Variants in ERBB4 observed in about 807,000 individuals in gnomAD.
The protein encoded by ERBB4 is erb-b2 receptor tyrosine kinase 4.
In ERBB4, 42 loss-of-function variants were observed where a neutral mutation model predicts 158.0. The ratio of observed to expected loss-of-function variants is 0.27; its 90% CI spans 0.21 to 0.34. The LOEUF (loss-of-function observed/expected upper bound fraction) is 0.34. Among genes scored for constraint, ERBB4 ranks in the 10% least tolerant of loss-of-function variants. The pLI is 1.00. For synonymous variants in ERBB4, 583 were observed against 558.7 expected, an observed-to-expected ratio of 1.04 and a Z score of -0.61; for missense variants, 1,333 against 1,624.1, an observed-to-expected ratio of 0.82 and a Z score of 3.08.
chr2:212,273,145 T>C (rs2085404430), intron 1 of ERBB4, among the ~76,000 whole-genome samples: 2 of 151,746 alleles, frequency 1.3e-5, no homozygotes, highest in East Asian at 3.9e-4. Flanking sequence ...AAGAACATAA[T>C]TTGCCACTCC....
chr2:212,388,110 A>C (rs148630045), intron 1 of ERBB4, among the ~76,000 whole-genome samples: 1 of 152,236 alleles, frequency 6.6e-6, no homozygotes, highest in African/African-American at 2.4e-5. Flanking sequence ...AATGGGTGTT[A>C]AATTCTCAGT....
At chr2:211,540,865 T>C (rs6740652) in intron 20 of ERBB4, among the ~76,000 whole-genome samples, 103,561 of 151,812 alleles carry the variant, frequency 0.68, 35,729 homozygotes, top group East Asian at 0.83. Context: ...ATAACAAAAA[T>C]AATTTTACCA....
chr2:212,496,005 T>C (rs1281159749), intron 1 of ERBB4, among the ~76,000 whole-genome samples: 4 of 152,128 alleles, frequency 2.6e-5, no homozygotes, highest in Non-Finnish European at 4.4e-5. Flanking sequence ...CGGCATCAGG[T>C]AGAATTTTTA....
intron 2 of ERBB4, among the ~76,000 whole-genome samples, chr2:212,002,833 C>T (rs11682921): frequency 0.085 from 12,879 of 151,702 alleles, 756 homozygotes; most frequent in Non-Finnish European, 0.13. Context: ...CCGAGGCGGG[C>T]GGATCACTTG....
At chr2:211,625,402 A>G (rs1349313416) in intron 17 of ERBB4, among the ~76,000 whole-genome samples, 1 of 152,170 alleles carries the variant, frequency 6.6e-6, no homozygotes, top group Non-Finnish European at 1.5e-5. Flanking sequence ...CTACTTAATT[A>G]GTGGAAGATT....
intron 1 of ERBB4, among the ~76,000 whole-genome samples, chr2:212,423,505 T>C (rs1353583486): frequency 6.6e-6 from 1 of 152,190 alleles, no homozygotes; most frequent in African/African-American, 2.4e-5. Flanking sequence ...GTTCATACTA[T>C]AAGTAGAAAA....
chr2:212,121,171 A>G (rs1168043493), intron 2 of ERBB4, among the ~76,000 whole-genome samples: 1 of 152,210 alleles, frequency 6.6e-6, no homozygotes, highest in Non-Finnish European at 1.5e-5. Context: ...AGTAACTACT[A>G]ATACTGAGCT....
In ERBB4 at chr2:211,534,413, A is replaced by G. The variant is rs372550918; in HGVS notation, c.2487+27490T>C. 3.1e-4 allele frequency among the ~76,000 whole-genome samples: 47 copies of G among 152,162 alleles called. 1 individual carries two copies. In the East Asian group the frequency reaches 8.1e-3, roughly 26 times the overall value. On this transcript the variant is annotated intron_variant, in intron 20 of 27. Coordinates refer to ENST00000342788, the MANE Select transcript of ERBB4 (RefSeq NM_005235.3). ...AACTAGGAACAGTGCTCTCTTCAAG[A>G]ATCTCCTTTGGATATTAACTCTGCA...
intron 1 of ERBB4, among the ~76,000 whole-genome samples, chr2:212,201,854 G>A (rs2082594988): frequency 6.6e-6 from 1 of 152,118 alleles, no homozygotes; most frequent in Admixed American, 6.6e-5. Flanking sequence ...ACTACCATAA[G>A]CTTAGTCATA....
chr2:212,058,797 A>C (rs1047168161), intron 2 of ERBB4, among the ~76,000 whole-genome samples: 1 of 152,206 alleles, frequency 6.6e-6, no homozygotes, highest in African/African-American at 2.4e-5. Flanking sequence ...ATCTCAAAAT[A>C]ATAAGAGCTT....
intron 1 of ERBB4, among the ~76,000 whole-genome samples, chr2:212,326,830 T>C (rs2087862920): frequency 6.6e-6 from 1 of 150,860 alleles, no homozygotes; most frequent in African/African-American, 2.4e-5. Flanking sequence ...TTGCTGTGTG[T>C]GCATGTGCAC....
At chr2:212,072,696 T>C (rs2078159546) in intron 2 of ERBB4, among the ~76,000 whole-genome samples, 1 of 152,010 alleles carries the variant, frequency 6.6e-6, no homozygotes, top group Admixed American at 6.6e-5. Flanking sequence ...TACTCAGTTT[T>C]AGTCCTTATT....
chr2:211,469,964 A>T (rs1437712590), intron 20 of ERBB4, among the ~76,000 whole-genome samples: 1 of 152,088 alleles, frequency 6.6e-6, no homozygotes, highest in Non-Finnish European at 1.5e-5. Context: ...GAGATACCTG[A>T]GGAATTGGGG....
chr2:212,368,835 T>C (rs560835880), intron 1 of ERBB4, among the ~76,000 whole-genome samples: 6 of 152,172 alleles, frequency 3.9e-5, no homozygotes, highest in African/African-American at 1.4e-4. Context: ...CACACCTGAG[T>C]TGGAAGACAT....
chr2:211,440,876 A>C (rs981794636), intron 20 of ERBB4, among the ~76,000 whole-genome samples: 1 of 152,188 alleles, frequency 6.6e-6, no homozygotes, highest in Non-Finnish European at 1.5e-5. Context: ...AGGGGTTGAA[A>C]AGTGTGTCAT....
At chr2:211,889,938 C>G (rs1575324858) in intron 3 of ERBB4, among the ~76,000 whole-genome samples, 1 of 125,240 alleles carries the variant, frequency 8.0e-6, no homozygotes, top group Non-Finnish European at 1.7e-5. Flanking sequence ...ATTGGTGTAC[C>G]TGAAAGTGAT....
At chr2:212,040,259 T>C (rs900550915) in intron 2 of ERBB4, among the ~76,000 whole-genome samples, 5 of 152,072 alleles carry the variant, frequency 3.3e-5, no homozygotes, top group Non-Finnish European at 7.4e-5. Context: ...TACTGTTTAA[T>C]TTTTTCTGAT....
intron 1 of ERBB4, among the ~76,000 whole-genome samples, chr2:212,467,914 T>C (rs1251335996): frequency 6.6e-6 from 1 of 152,156 alleles, no homozygotes; most frequent in Non-Finnish European, 1.5e-5. Flanking sequence ...TTCAAGACCA[T>C]TGGAATCTAC....
chr2:212,443,519 G>GTAA lies in ERBB4; in HGVS notation c.82+94929_82+94930insTTA, dbSNP rs554170568. ...AACCCAGAAAGAGGCACAACACCTG[G>GTAA]TAGGCCTATATGGATTTTGGAGGCA... On this transcript the variant is annotated intron_variant, in intron 1 of 27. Coordinates refer to ENST00000342788, the MANE Select transcript of ERBB4 (RefSeq NM_005235.3). 1.2e-3 allele frequency among the ~76,000 whole-genome samples: 184 copies of GTAA among 152,294 alleles called. 1 individual carries two copies. The highest frequency in any genetic ancestry group is 3.5e-3 in the Admixed American group (54 of 15,290).
Sources: gnomAD v4.1 joint callset for allele counts (sites outside exome capture counted in the v4.1 genomes callset) on GRCh38, gnomAD v4.1.1 for gene constraint, MANE v1.5 for transcripts, NCBI Gene and HGNC (gene_info 2026-07-23, HGNC 2026-07-21) for gene names.